PTPRD: variants seen among roughly 807,000 people sequenced by gnomAD.
PTPRD encodes the protein protein tyrosine phosphatase receptor type D.
In PTPRD, 34 loss-of-function variants were observed where a neutral mutation model predicts 214.5. The observed-to-expected ratio is 0.16, with a 90% confidence interval of 0.12 to 0.21. The LOEUF (loss-of-function observed/expected upper bound fraction) is 0.21. Among genes scored for constraint, PTPRD ranks in the 10% least tolerant of loss-of-function variants. The pLI, the probability that PTPRD is intolerant of heterozygous loss-of-function variation, is 1.00. For synonymous variants in PTPRD, 1,128 were observed against 845.7 expected (o/e 1.33, Z -5.79); for missense variants, 2,545 against 2,398.7 (o/e 1.06, Z -1.27).
chr9:9,129,537 C>A (rs2154473276), intron 10 of PTPRD, among the ~76,000 whole-genome samples: 1 of 152,244 alleles, frequency 6.6e-6, no homozygotes, highest in Middle Eastern at 3.4e-3. Flanking sequence ...GTCCTTTTAG[C>A]TTCTGACAGC....
chr9:10,460,321 T>C (rs1417139314), intron 2 of PTPRD, among the ~76,000 whole-genome samples: 1 of 151,944 alleles, frequency 6.6e-6, no homozygotes, highest in Non-Finnish European at 1.5e-5. Flanking sequence ...AATAAATAGA[T>C]TCAATGCAGT....
At chr9:8,437,309 G>T in intron 34 of PTPRD, 1 of 1,220,216 alleles carries the variant, frequency 8.2e-7, no homozygotes, top group Non-Finnish European at 1.1e-6. Context: ...GAAATGGAAA[G>T]CCTGATATAT....
chr9:10,320,466 CAT>C (rs1217753793), intron 3 of PTPRD, among the ~76,000 whole-genome samples: 1 of 152,012 alleles, frequency 6.6e-6, no homozygotes, highest in African/African-American at 2.4e-5. Context: ...ACTGCTTTGT[CAT>C]GTGCTTGGTA....
chr9:9,727,814 T>C (rs1395735435), intron 7 of PTPRD, among the ~76,000 whole-genome samples: 1 of 152,204 alleles, frequency 6.6e-6, no homozygotes, highest in Admixed American at 6.5e-5. Context: ...AAAGCTATCG[T>C]AGGTATGTAA....
At chr9:10,119,443 A>G (rs1427531692) in intron 3 of PTPRD, among the ~76,000 whole-genome samples, 1 of 152,028 alleles carries the variant, frequency 6.6e-6, no homozygotes, top group Admixed American at 6.6e-5. Flanking sequence ...CTGACTTCTA[A>G]TTTAGTACAT....
Position 9,764,722 on chromosome 9 carries a change from T to C in PTPRD, c.-326+2088A>G, listed in dbSNP as rs374119994. Among the ~76,000 whole-genome samples the C allele has an allele frequency of 7.2e-4, 109 of 152,318 alleles. 3 individuals carry two copies. In the South Asian group the frequency reaches 0.022, roughly 30 times the overall value. On this transcript the variant is annotated intron_variant, in intron 6 of 45. Transcript: ENST00000381196. The stretch of plus-strand genomic sequence containing the variant: ...GTGATTATTGTTAATAAATTCATTT[T>C]ATATCTTAGGTAGCTTCTCCAGGAT...
Position 10,060,885 on chromosome 9 carries a change from CTTCCTTCCTTCCTTCTTTCTTTCT to C in PTPRD, c.-544-27119_-544-27096del, listed in dbSNP as rs1205906164. Among the ~76,000 whole-genome samples, 26 of 73,298 alleles carry C rather than the reference CTTCCTTCCTTCCTTCTTTCTTTCT, an allele frequency of 3.5e-4. 1 individual carries two copies. The African/African-American group carries it at 4.1e-3, about 11-fold the overall frequency. 48.1% of individuals were successfully genotyped at this position (73,298 alleles called of 152,430 possible). On this transcript the variant is annotated intron_variant, in intron 3 of 45. Coordinates refer to ENST00000381196, the MANE Select transcript of PTPRD (RefSeq NM_002839.4). ...CCTTCCTTCTTTCCTTCCTTCCTTC[CTTCCTTCCTTCCTTCTTTCTTTCT>C]TTCTTTCTTTCTTTCTTTCTTTCTT...
intron 11 of PTPRD, among the ~76,000 whole-genome samples, 178 bp downstream of exon 11, chr9:9,018,519 T>G (rs1375619763): frequency 6.6e-6 from 1 of 152,212 alleles, no homozygotes; most frequent in Non-Finnish European, 1.5e-5. Context: ...TTATGTATAT[T>G]TTTTAAGACT....
At chr9:8,381,293 A>G (rs1427719572) in intron 37 of PTPRD, among the ~76,000 whole-genome samples, 2 of 152,202 alleles carry the variant, frequency 1.3e-5, no homozygotes, top group Non-Finnish European at 2.9e-5. Context: ...AATAAAGGAA[A>G]GTTTTAGATA....
At chr9:9,331,742 G>A (rs2042387333) in intron 9 of PTPRD, among the ~76,000 whole-genome samples, 1 of 151,972 alleles carries the variant, frequency 6.6e-6, no homozygotes, top group African/African-American at 2.4e-5. Context: ...CACACTTACT[G>A]TCAATCACTG....
intron 12 of PTPRD, among the ~76,000 whole-genome samples, chr9:8,666,669 T>C (rs2097176616): frequency 6.6e-6 from 1 of 152,200 alleles, no homozygotes; most frequent in Non-Finnish European, 1.5e-5. Flanking sequence ...AGGTGACTCA[T>C]TTGATAACAG....
At chr9:9,641,358 C>T (rs1487509498) in intron 7 of PTPRD, among the ~76,000 whole-genome samples, 2 of 152,186 alleles carry the variant, frequency 1.3e-5, no homozygotes, top group East Asian at 3.9e-4. Flanking sequence ...CAAATCTTTG[C>T]TAGTATTTTG....
intron 11 of PTPRD, among the ~76,000 whole-genome samples, chr9:8,924,053 A>G (rs1270600156): frequency 1.3e-5 from 2 of 152,186 alleles, no homozygotes; most frequent in East Asian, 3.8e-4. Flanking sequence ...ATTTAGAATG[A>G]AGAAATATTT....
At chr9:9,536,403 T>C (rs1338910959) in intron 8 of PTPRD, among the ~76,000 whole-genome samples, 1 of 152,014 alleles carries the variant, frequency 6.6e-6, no homozygotes, top group African/African-American at 2.4e-5. Context: ...AATTTGCATA[T>C]TAAAGGACAG....
intron 7 of PTPRD, among the ~76,000 whole-genome samples, chr9:9,575,195 A>G (rs752868243): frequency 6.6e-6 from 1 of 152,176 alleles, no homozygotes; most frequent in African/African-American, 2.4e-5. Flanking sequence ...CTATCATACC[A>G]TAATCGTACT....
chr9:8,494,924 C>G (rs2097228624), intron 26 of PTPRD, among the ~76,000 whole-genome samples: 1 of 152,082 alleles, frequency 6.6e-6, no homozygotes, highest in Non-Finnish European at 1.5e-5. Flanking sequence ...CATAATTCCT[C>G]ATTCTCTTTG....
At chr9:10,294,580 A>AT (rs1283298286) in intron 3 of PTPRD, among the ~76,000 whole-genome samples, 3 of 151,930 alleles carry the variant, frequency 2.0e-5, no homozygotes, top group Admixed American at 2.0e-4. Flanking sequence ...TTATGCATAC[A>AT]TTTCTCTGGA....
At chr9:10,557,647 G>A (rs1444477072) in intron 2 of PTPRD, among the ~76,000 whole-genome samples, 1 of 152,072 alleles carries the variant, frequency 6.6e-6, no homozygotes, top group East Asian at 1.9e-4. Context: ...ATTTTCAAAA[G>A]AGAAATCTGA....
chr9:8,986,842 A>G (rs2099347232), intron 11 of PTPRD, among the ~76,000 whole-genome samples: 1 of 152,072 alleles, frequency 6.6e-6, no homozygotes, highest in Non-Finnish European at 1.5e-5. Context: ...CCACTCTTGC[A>G]GTTATTGAAG....
Sources: gnomAD v4.1 joint callset for allele counts (sites outside exome capture counted in the v4.1 genomes callset) on GRCh38, gnomAD v4.1.1 for gene constraint, MANE v1.5 for transcripts, NCBI Gene and HGNC (gene_info 2026-07-23, HGNC 2026-07-21) for gene names.